CCDC60: variants seen among roughly 807,000 people sequenced by gnomAD.
CCDC60 encodes coiled-coil domain containing 60.
CCDC60 carries 54 observed loss-of-function variants against 63.5 expected under a neutral mutation model. That is an observed-to-expected ratio of 0.85 (90% CI 0.68 to 1.07). The LOEUF (loss-of-function observed/expected upper bound fraction) is 1.07, where lower values mean the gene tolerates loss of function less well. Among genes scored for constraint, CCDC60 ranks in the 50% least tolerant of loss-of-function variants. The pLI is 0.00. For synonymous variants in CCDC60, 206 were observed against 238.8 expected (o/e 0.86, Z 1.27); for missense variants, 651 against 684.3 (o/e 0.95, Z 0.54).
chr12:119,470,017 G>A (rs894914447), intron 2 of CCDC60, among the ~76,000 whole-genome samples: 2 of 152,166 alleles, frequency 1.3e-5, no homozygotes, highest in African/African-American at 4.8e-5. Flanking sequence ...CCAAGGCCCT[G>A]CGCCATGTTT....
chr12:119,522,225 G>A (rs1952549783), intron 9 of CCDC60, among the ~76,000 whole-genome samples: 1 of 152,228 alleles, frequency 6.6e-6, no homozygotes, highest in South Asian at 2.1e-4. Context: ...AGACAATGGT[G>A]CTGAAAGCCC....
chr12:119,421,894 A>G (rs1956819139), intron 1 of CCDC60, among the ~76,000 whole-genome samples: 1 of 152,172 alleles, frequency 6.6e-6, no homozygotes, highest in African/African-American at 2.4e-5. Flanking sequence ...GCCCCAGCAC[A>G]TGAATATTAA....
At chr12:119,408,105 A>G (rs1451339608) in intron 1 of CCDC60, among the ~76,000 whole-genome samples, 1 of 152,252 alleles carries the variant, frequency 6.6e-6, no homozygotes, top group African/African-American at 2.4e-5. Context: ...AGACTGTTAT[A>G]GTCAAAGAAG....
chr12:119,413,934 C>T (rs1478294236), intron 1 of CCDC60, among the ~76,000 whole-genome samples: 3 of 152,136 alleles, frequency 2.0e-5, no homozygotes, highest in Admixed American at 6.5e-5. Flanking sequence ...AGTCCTTTAG[C>T]TGCTTGTGGG....
At chr12:119,380,728 A>C (rs138393595) in intron 1 of CCDC60, among the ~76,000 whole-genome samples, 1 of 152,268 alleles carries the variant, frequency 6.6e-6, no homozygotes, top group East Asian at 1.9e-4. Flanking sequence ...AATTTTTAAC[A>C]CCTCTCTAAG....
chr12:119,446,620 G>A (rs757541162), intron 2 of CCDC60, among the ~76,000 whole-genome samples: 1 of 152,126 alleles, frequency 6.6e-6, no homozygotes, highest in Non-Finnish European at 1.5e-5. Flanking sequence ...GAGGGAGGAC[G>A]GGAGACAGAG....
rs1952752498 is a variant in CCDC60, at chr12:119,528,490, G to C, written c.1230-125G>C. On this transcript the variant is annotated intron_variant, in intron 11 of 13. Coordinates refer to ENST00000327554, the MANE Select transcript of CCDC60 (RefSeq NM_178499.5). ...AAGCCAGAGCCTAAGTTAAAGATTA[G>C]CTGACAGGGTTAAGAAAAGCCTCAT... 7 of 1,104,918 alleles carry C rather than the reference G, an allele frequency of 6.3e-6. No homozygotes were observed. In the East Asian group the frequency reaches 1.7e-4, roughly 27 times the overall value. The allele number at this position is 1,104,918 out of a possible 1,614,324, so 68.4% of individuals were successfully genotyped here. A position where few individuals can be genotyped will look rare whatever the true frequency, so the allele number is the denominator to read the frequency against.
chr12:119,485,555 T>C (rs987522521), intron 4 of CCDC60, among the ~76,000 whole-genome samples: 2 of 152,162 alleles, frequency 1.3e-5, no homozygotes, highest in Non-Finnish European at 2.9e-5. Flanking sequence ...AGGATCGCTC[T>C]CTCCCTGTCT....
At chr12:119,523,634 G>C in intron 10 of CCDC60, 59 bp from the exon 11 acceptor site, 1 of 1,604,688 alleles carries the variant, frequency 6.2e-7, no homozygotes, top group Non-Finnish European at 8.5e-7. Context: ...GTGGGACCCA[G>C]GTTACTAGGG....
chr12:119,407,650 C>T (rs1956518222), intron 1 of CCDC60, among the ~76,000 whole-genome samples: 1 of 152,160 alleles, frequency 6.6e-6, no homozygotes. Context: ...TGGAAACGAC[C>T]CAGTAGTTTC....
intron 1 of CCDC60, among the ~76,000 whole-genome samples, chr12:119,394,774 C>T (rs1268521929): frequency 6.6e-6 from 1 of 152,208 alleles, no homozygotes; most frequent in Non-Finnish European, 1.5e-5. Flanking sequence ...AAGCAACAAA[C>T]ACTCACTGAT....
chr12:119,387,990 C>G (rs1348202294), intron 1 of CCDC60: 1 of 152,178 alleles, frequency 6.6e-6, no homozygotes, highest in African/African-American at 2.4e-5. Context: ...ATCCCAGTGG[C>G]TAAGCAATAA....
At position 119,379,947 on chromosome 12, in the gene CCDC60, T is replaced by C. The variant is rs530372153; in HGVS notation, c.90+44681T>C. 3.3e-5 allele frequency among the ~76,000 whole-genome samples: 5 copies of C among 152,284 alleles called. No individual in the cohort carries two copies. In the South Asian group the frequency reaches 1.0e-3, roughly 32 times the overall value. On this transcript the variant is annotated intron_variant, in intron 1 of 13. Coordinates refer to ENST00000327554, the MANE Select transcript of CCDC60 (RefSeq NM_178499.5). ...ACATACAGATGTGTACAGTGGACAA[T>C]TGAAGGTCAAGCCCAACTCAGTGGT...
At chr12:119,341,829 G>A (rs1955535775) in intron 1 of CCDC60, among the ~76,000 whole-genome samples, 1 of 152,212 alleles carries the variant, frequency 6.6e-6, no homozygotes. Flanking sequence ...GAGTTGGTAT[G>A]AGAATATATT....
intron 1 of CCDC60, among the ~76,000 whole-genome samples, chr12:119,419,592 T>C (rs1750217217): frequency 6.6e-6 from 1 of 152,216 alleles, no homozygotes; most frequent in Admixed American, 6.5e-5. Context: ...GAGACTGTGA[T>C]GCATTCATCT....
rs373475169 is a variant in CCDC60 at position 119,428,769 on chromosome 12, G to C, written c.170+7G>C. On this transcript the variant is annotated splice_region_variant and intron_variant, in intron 2 of 13. Coordinates refer to ENST00000327554, the MANE Select transcript of CCDC60 (RefSeq NM_178499.5). The stretch of plus-strand genomic sequence containing the variant: ...AGGACCTTATACGAAGCCGGTGAGT[G>C]AGCCCAGCAGGGAATGATCCATAGA... The C allele has an allele frequency of 6.4e-7, 1 of 1,569,902 alleles. No homozygotes were observed. The highest frequency in any genetic ancestry group is 8.7e-7 in the Non-Finnish European group (1 of 1,146,418).
At chr12:119,356,148 G>A (rs1364411312) in intron 1 of CCDC60, among the ~76,000 whole-genome samples, 1 of 152,188 alleles carries the variant, frequency 6.6e-6, no homozygotes, top group Non-Finnish European at 1.5e-5. Context: ...TATTTAAAAT[G>A]TATTGTTCTT....
intron 1 of CCDC60, among the ~76,000 whole-genome samples, chr12:119,365,846 G>C (rs1196626740): frequency 1.3e-5 from 2 of 152,176 alleles, no homozygotes; most frequent in South Asian, 2.1e-4. Context: ...ACACAGGCAG[G>C]TGCCTAACAG....
At chr12:119,445,984 G>A (rs1950535959) in intron 2 of CCDC60, among the ~76,000 whole-genome samples, 2 of 152,126 alleles carry the variant, frequency 1.3e-5, no homozygotes, top group South Asian at 4.1e-4. Flanking sequence ...ATACTGCTTA[G>A]GTGATGGATG....
Sources: allele counts gnomAD v4.1 joint callset (sites outside exome capture counted in the v4.1 genomes callset), GRCh38; gene constraint gnomAD v4.1.1; transcripts MANE v1.5; gene names NCBI Gene and HGNC (gene_info 2026-07-23, HGNC 2026-07-21).